Variants in SAMD12 observed in about 807,000 individuals in gnomAD.
SAMD12 encodes sterile alpha motif domain containing 12.
SAMD12 carries 9 observed loss-of-function variants against 15.0 expected under a neutral mutation model. The ratio of observed to expected loss-of-function variants is 0.60; its 90% CI spans 0.36 to 1.05. The LOEUF is 1.05. Among genes scored for constraint, SAMD12 ranks in the 50% least tolerant of loss-of-function variants. The pLI, the probability that SAMD12 is intolerant of heterozygous loss-of-function variation, is 0.01. For synonymous variants in SAMD12, 86 were observed against 90.1 expected (o/e 0.96, Z 0.25); for missense variants, 230 against 234.2 (o/e 0.98, Z 0.12).
At chr8:118,604,327 A>G (rs989382479) in intron 1 of SAMD12, among the ~76,000 whole-genome samples, 1 of 152,232 alleles carries the variant, frequency 6.6e-6, no homozygotes, top group African/African-American at 2.4e-5. Context: ...GTTTGTATAT[A>G]AAGTATTTGT....
intron 2 of SAMD12, among the ~76,000 whole-genome samples, chr8:118,497,223 G>A (rs1410084713): frequency 1.3e-5 from 2 of 152,104 alleles, no homozygotes; most frequent in Non-Finnish European, 2.9e-5. Flanking sequence ...TGTTGGGTGT[G>A]TATCCAAAAG....
rs1417831610 is a variant in SAMD12, at chr8:118,406,975, C to A, written c.323-27275G>T. On this transcript the variant is annotated intron_variant, in intron 3 of 3. Coordinates refer to ENST00000314727, the MANE Select transcript of SAMD12 (RefSeq NM_207506.3). ...TTGATGGACATTTGGGTTACTTTTACATCTTGGCTATTGTGAATATTGCTG... is the reference window on the plus strand; with the variant it reads ...TTGATGGACATTTGGGTTACTTTTAAATCTTGGCTATTGTGAATATTGCTG... 2.0e-5 allele frequency among the ~76,000 whole-genome samples: 3 copies of A among 150,000 alleles called. No homozygotes were observed. The East Asian group carries it at 5.9e-4, about 29-fold the overall frequency.
chr8:118,553,686 T>G (rs1175877635), intron 2 of SAMD12, among the ~76,000 whole-genome samples: 1 of 151,032 alleles, frequency 6.6e-6, no homozygotes, highest in Non-Finnish European at 1.5e-5. Flanking sequence ...ACAAATGGGA[T>G]CTAATTAAAC....
intron 4 of SAMD12, among the ~76,000 whole-genome samples, chr8:118,286,577 C>T (rs937919667): frequency 6.6e-6 from 1 of 152,164 alleles, no homozygotes; most frequent in Non-Finnish European, 1.5e-5. Flanking sequence ...ACCCCTGTGG[C>T]GATGTGTCAT....
At chr8:118,557,651 G>A (rs1826579661) in intron 2 of SAMD12, among the ~76,000 whole-genome samples, 1 of 152,122 alleles carries the variant, frequency 6.6e-6, no homozygotes, top group African/African-American at 2.4e-5. Flanking sequence ...CATCTTTGTG[G>A]TTTCATTCAA....
chr8:118,474,442 G>A (rs2130973052), intron 2 of SAMD12, among the ~76,000 whole-genome samples: 1 of 152,146 alleles, frequency 6.6e-6, no homozygotes, highest in Admixed American at 6.5e-5. Flanking sequence ...GTGCAATGGT[G>A]CGATCTCAGC....
Position 118,341,012 on chromosome 8 carries a change from A to G in SAMD12, c.433+38548T>C, listed in dbSNP as rs549438141. Among the ~76,000 whole-genome samples, 5 of 152,316 alleles carry G rather than the reference A, an allele frequency of 3.3e-5. No homozygotes were observed. The East Asian group carries it at 9.6e-4, about 29-fold the overall frequency. On this transcript the variant is annotated intron_variant, in intron 4 of 4. Transcript: ENST00000409003. Reference sequence around the variant, plus strand: ...TTGTTCACACTTTTGTGGGTGAGGCATTCCTGAAGGGCTCAGCTGGGTGGC... The same window carrying G: ...TTGTTCACACTTTTGTGGGTGAGGCGTTCCTGAAGGGCTCAGCTGGGTGGC...
chr8:118,239,252 G>T (rs1422889245), intron 4 of SAMD12, among the ~76,000 whole-genome samples: 1 of 152,092 alleles, frequency 6.6e-6, no homozygotes, highest in Non-Finnish European at 1.5e-5. Flanking sequence ...TGTAATATTT[G>T]CTGAGTATCT....
At chr8:118,258,408 T>C (rs1168262994) in intron 4 of SAMD12, among the ~76,000 whole-genome samples, 1 of 152,094 alleles carries the variant, frequency 6.6e-6, no homozygotes, top group Non-Finnish European at 1.5e-5. Flanking sequence ...GATTGGGGAG[T>C]TAGACTATAT....
chr8:118,150,417 G>T, the SAMD12 span, among the ~76,000 whole-genome samples: 1 of 151,918 alleles, frequency 6.6e-6, no homozygotes, highest in African/African-American at 2.4e-5. Context: ...GTCTTGATTT[G>T]TCCCCCAGGC....
chr8:118,483,376 A>T (rs897010605), intron 2 of SAMD12, among the ~76,000 whole-genome samples: 1 of 152,224 alleles, frequency 6.6e-6, no homozygotes, highest in East Asian at 1.9e-4. Flanking sequence ...CTGACATTAT[A>T]AGAACCTTGT....
At chr8:118,209,911 C>T (rs1179868689) in intron 4 of SAMD12, among the ~76,000 whole-genome samples, 2 of 152,188 alleles carry the variant, frequency 1.3e-5, no homozygotes, top group African/African-American at 4.8e-5. Flanking sequence ...AGCCAAGACC[C>T]CCCTACCTTT....
intron 4 of SAMD12, among the ~76,000 whole-genome samples, chr8:118,342,678 C>T (rs1817434102): frequency 1.3e-5 from 2 of 152,222 alleles, no homozygotes; most frequent in South Asian, 2.1e-4. Context: ...TATAAACAGT[C>T]CCAAATCCAG....
At chr8:118,145,585 G>T in the SAMD12 span, among the ~76,000 whole-genome samples, 1 of 152,202 alleles carries the variant, frequency 6.6e-6, no homozygotes, top group East Asian at 1.9e-4. Flanking sequence ...CCAGAAAGCA[G>T]ATGTAGGTGA....
At chr8:118,490,167 G>A (rs1824402884) in intron 2 of SAMD12, among the ~76,000 whole-genome samples, 1 of 152,086 alleles carries the variant, frequency 6.6e-6, no homozygotes, top group Non-Finnish European at 1.5e-5. Flanking sequence ...TTTTTCAGCT[G>A]TTTAGATATG....
rs1381764697 is a variant in SAMD12 at position 118,513,703 on chromosome 8, G to C, written c.192+67012C>G. Among the ~76,000 whole-genome samples the C allele has an allele frequency of 3.3e-5, 5 of 152,358 alleles. No individual in the cohort carries two copies. The East Asian group carries it at 9.7e-4, about 29-fold the overall frequency. On this transcript the variant is annotated intron_variant, in intron 2 of 3. Coordinates refer to ENST00000314727, the MANE Select transcript of SAMD12 (RefSeq NM_207506.3). ...TATGGGGAGGGGTGGATGTAGTGGT[G>C]ACAGAGCCCCTTGGCAGAGTTCACA...
chr8:118,132,984 A>ATAT, the SAMD12 span, among the ~76,000 whole-genome samples: 1 of 46,338 alleles, frequency 2.2e-5, no homozygotes, highest in Admixed American at 2.4e-4. Context: ...ATATATATAT[A>ATAT]TATATATATA....
chr8:118,498,414 ATGCC>A (rs1243852212), intron 2 of SAMD12, among the ~76,000 whole-genome samples: 2 of 152,246 alleles, frequency 1.3e-5, no homozygotes, highest in Non-Finnish European at 2.9e-5. Context: ...TTGGCATGTT[ATGCC>A]TGTAGCATTT....
At chr8:118,353,613 C>T (rs1818071613) in intron 4 of SAMD12, among the ~76,000 whole-genome samples, 2 of 152,146 alleles carry the variant, frequency 1.3e-5, no homozygotes, top group Non-Finnish European at 1.5e-5. Flanking sequence ...TTAAGTTACC[C>T]AGAAAATGGC....
Sources: gnomAD v4.1 joint callset for allele counts (sites outside exome capture counted in the v4.1 genomes callset) on GRCh38, gnomAD v4.1.1 for gene constraint, MANE v1.5 for transcripts, NCBI Gene and HGNC (gene_info 2026-07-23, HGNC 2026-07-21) for gene names.